PIK3AP1: variants seen among roughly 807,000 people sequenced by gnomAD.
The protein encoded by PIK3AP1 is phosphoinositide 3-kinase adapter protein 1.
A neutral mutation model predicts 88.1 loss-of-function variants in PIK3AP1; 21 were observed. That is an observed-to-expected ratio of 0.24 (90% CI 0.17 to 0.34). The LOEUF (loss-of-function observed/expected upper bound fraction) is 0.34. Among genes scored for constraint, PIK3AP1 ranks in the 10% least tolerant of loss-of-function variants. PIK3AP1 has a pLI of 1.00. For synonymous variants in PIK3AP1, 398 were observed against 400.0 expected (o/e 1.00, Z 0.06); for missense variants, 828 against 1,035.7 (o/e 0.80, Z 2.75).
At chr10:96,658,158 T>C (rs1007373567) in intron 2 of PIK3AP1, among the ~76,000 whole-genome samples, 1 of 152,030 alleles carries the variant, frequency 6.6e-6, no homozygotes, top group African/African-American at 2.4e-5. Context: ...TAACCACTTA[T>C]ACAAGCAGCC....
intron 2 of PIK3AP1, among the ~76,000 whole-genome samples, chr10:96,696,642 C>T (rs1356379320): frequency 6.6e-6 from 1 of 152,102 alleles, no homozygotes; most frequent in East Asian, 1.9e-4. Flanking sequence ...TTTCTATGAA[C>T]CCACATGCAT....
intron 1 of PIK3AP1, among the ~76,000 whole-genome samples, chr10:96,710,810 C>T (rs1264436208): frequency 6.6e-6 from 1 of 152,110 alleles, no homozygotes; most frequent in Admixed American, 6.5e-5. Context: ...GTAATTTGCA[C>T]AAGATTCACA....
chr10:96,681,657 C>T (rs1191917394), intron 2 of PIK3AP1, among the ~76,000 whole-genome samples: 5 of 152,068 alleles, frequency 3.3e-5, no homozygotes, highest in Non-Finnish European at 5.9e-5. Flanking sequence ...ATGAAGGCAC[C>T]GAACCGGAGG....
At chr10:96,612,589 T>C (rs1849132531) in intron 13 of PIK3AP1, among the ~76,000 whole-genome samples, 1 of 152,278 alleles carries the variant, frequency 6.6e-6, no homozygotes, top group Non-Finnish European at 1.5e-5. Flanking sequence ...CCATAAATGA[T>C]GCCTTCTCTT....
intron 2 of PIK3AP1, among the ~76,000 whole-genome samples, chr10:96,705,743 C>G (rs1844352788): frequency 6.6e-6 from 1 of 151,872 alleles, no homozygotes; most frequent in South Asian, 2.1e-4. Context: ...CCACCATGCC[C>G]AGCTAATTTT....
At chr10:96,611,292 T>C (rs1849104669) in intron 13 of PIK3AP1, among the ~76,000 whole-genome samples, 1 of 152,136 alleles carries the variant, frequency 6.6e-6, no homozygotes, top group Non-Finnish European at 1.5e-5. Context: ...CAGGTCTTTT[T>C]CACATGCTGG....
intron 2 of PIK3AP1, among the ~76,000 whole-genome samples, chr10:96,702,656 C>G (rs1564989305): frequency 6.7e-6 from 1 of 149,156 alleles, no homozygotes; most frequent in Non-Finnish European, 1.5e-5. Context: ...ACAATGGTAA[C>G]TATGTGTGCT....
At chr10:96,646,437 C>T (rs17392966) in intron 7 of PIK3AP1, among the ~76,000 whole-genome samples, 22,828 of 152,004 alleles carry the variant, frequency 0.15, 1,978 homozygotes, top group Admixed American at 0.24. Flanking sequence ...TACTCAAGGG[C>T]TTGCAATCCT....
chr10:96,673,950 C>G (rs1843882814), intron 2 of PIK3AP1, among the ~76,000 whole-genome samples: 1 of 152,180 alleles, frequency 6.6e-6, no homozygotes, highest in Non-Finnish European at 1.5e-5. Context: ...AAGGATGGAA[C>G]TGGCTGGTCA....
intron 1 of PIK3AP1, among the ~76,000 whole-genome samples, chr10:96,710,721 T>C (rs1844428124): frequency 6.6e-6 from 1 of 152,182 alleles, no homozygotes. Flanking sequence ...CATTACATCT[T>C]CACAGCAACT....
At chr10:96,671,476 C>T (rs549281747) in intron 2 of PIK3AP1, among the ~76,000 whole-genome samples, 5 of 152,262 alleles carry the variant, frequency 3.3e-5, no homozygotes, top group Non-Finnish European at 5.9e-5. Flanking sequence ...GTATACCCAA[C>T]CCACAAGTCA....
intron 1 of PIK3AP1, among the ~76,000 whole-genome samples, chr10:96,716,165 C>A (rs1178518000): frequency 6.6e-6 from 1 of 151,982 alleles, no homozygotes; most frequent in Non-Finnish European, 1.5e-5. Context: ...GCCTGTAGTC[C>A]CAGCTACTCA....
intron 10 of PIK3AP1, among the ~76,000 whole-genome samples, chr10:96,625,357 G>C (rs1298307495): frequency 1.3e-5 from 2 of 152,196 alleles, no homozygotes; most frequent in Non-Finnish European, 2.9e-5. Context: ...GAAATGCAAA[G>C]GGCTAGAGGG....
intron 15 of PIK3AP1, among the ~76,000 whole-genome samples, chr10:96,603,156 C>G (rs1327472028): frequency 1.3e-5 from 2 of 152,144 alleles, no homozygotes; most frequent in Non-Finnish European, 1.5e-5. Flanking sequence ...TTCTTTCCTT[C>G]TTTTCTATTT....
intron 2 of PIK3AP1, among the ~76,000 whole-genome samples, chr10:96,667,500 A>T (rs1319778515): frequency 1.3e-5 from 2 of 152,192 alleles, no homozygotes; most frequent in African/African-American, 4.8e-5. Context: ...ATCATTCCAC[A>T]CATTTTACAG....
In PIK3AP1 at chr10:96,718,613, C is replaced by T. The variant is rs1017141044; in HGVS notation, c.13+1769G>A. Among the ~76,000 whole-genome samples, 18 of 152,348 alleles carry T rather than the reference C, an allele frequency of 1.2e-4. No homozygotes were observed. The South Asian group carries it at 1.4e-3, about 12-fold the overall frequency. On this transcript the variant is annotated intron_variant, in intron 1 of 16. Coordinates refer to ENST00000339364, the MANE Select transcript of PIK3AP1 (RefSeq NM_152309.3). Reference sequence around the variant, plus strand: ...CATAAATAGCCCCAGGTTTGCCCACCGGACTAGGGTCCCCCTCTGAACTGG... The same window carrying T: ...CATAAATAGCCCCAGGTTTGCCCACTGGACTAGGGTCCCCCTCTGAACTGG...
At chr10:96,705,884 GTTTTTTTTTTT>G (rs964917515) in intron 2 of PIK3AP1, among the ~76,000 whole-genome samples, 5 of 60,966 alleles carry the variant, frequency 8.2e-5, no homozygotes, top group South Asian at 1.2e-3. Context: ...CCAGCCAGTT[GTTTTTTTTTTT>G]TTTTTTTTTT....
chr10:96,659,397 C>G (rs975695469), intron 2 of PIK3AP1, among the ~76,000 whole-genome samples: 1 of 152,144 alleles, frequency 6.6e-6, no homozygotes, highest in Admixed American at 6.5e-5. Context: ...CAGGTATAAC[C>G]TCTTTGGGAT....
chr10:96,666,433 A>T (rs922747713), intron 2 of PIK3AP1, among the ~76,000 whole-genome samples: 2 of 152,142 alleles, frequency 1.3e-5, no homozygotes, highest in African/African-American at 4.8e-5. Context: ...AAACAAACAA[A>T]AAAAAGAGTT....
Sources: gnomAD v4.1 joint callset for allele counts (sites outside exome capture counted in the v4.1 genomes callset) on GRCh38, gnomAD v4.1.1 for gene constraint, MANE v1.5 for transcripts, NCBI Gene and HGNC (gene_info 2026-07-23, HGNC 2026-07-21) for gene names.